TFDP2: variants seen among roughly 807,000 people sequenced by gnomAD.
TFDP2 encodes the protein transcription factor Dp-2.
TFDP2 carries 17 observed loss-of-function variants against 59.3 expected under a neutral mutation model. That is an observed-to-expected ratio of 0.29 (90% CI 0.20 to 0.43). The LOEUF (loss-of-function observed/expected upper bound fraction) is 0.43, where lower values mean the gene tolerates loss of function less well. Among genes scored for constraint, TFDP2 ranks in the 20% least tolerant of loss-of-function variants. The pLI is 1.00. For missense variants in TFDP2, 391 were observed against 528.8 expected (o/e 0.74, Z 2.56); for synonymous variants, 180 against 194.7 (o/e 0.92, Z 0.63).
chr3:141,980,195 CT>C (rs1941317462), intron 6 of TFDP2, among the ~76,000 whole-genome samples: 1 of 149,880 alleles, frequency 6.7e-6, no homozygotes, highest in Admixed American at 6.6e-5. Flanking sequence ...GTGAGCCACC[CT>C]GCCCAGCCAC....
At chr3:142,043,732 G>A in intron 3 of TFDP2, 1 of 1,343,908 alleles carries the variant, frequency 7.4e-7, no homozygotes, top group Non-Finnish European at 1.1e-6. Context: ...AGACCTGGGG[G>A]CCTCAGCCTG....
intron 1 of TFDP2, among the ~76,000 whole-genome samples, chr3:142,147,825 T>G (rs900553031): frequency 6.6e-6 from 1 of 152,150 alleles, no homozygotes; most frequent in East Asian, 1.9e-4. Context: ...GGTCTAGGCA[T>G]TTGATTTTTC....
At chr3:142,139,496 G>A (rs1398845176) in intron 1 of TFDP2, among the ~76,000 whole-genome samples, 3 of 152,052 alleles carry the variant, frequency 2.0e-5, no homozygotes, top group African/African-American at 7.2e-5. Flanking sequence ...TTTTTGCAGT[G>A]GCTGGTACCG....
At chr3:142,033,566 T>C (rs911629725) in intron 3 of TFDP2, among the ~76,000 whole-genome samples, 2 of 152,054 alleles carry the variant, frequency 1.3e-5, no homozygotes, top group South Asian at 4.1e-4. Flanking sequence ...GAGGGATCTA[T>C]AGGAGGGAAA....
At chr3:142,054,095 A>G (rs2059660186) in intron 3 of TFDP2, 1 of 152,350 alleles carries the variant, frequency 6.6e-6, no homozygotes, top group East Asian at 1.9e-4. Flanking sequence ...AATTGCTTAT[A>G]AAGTTAAATA....
intron 9 of TFDP2, among the ~76,000 whole-genome samples, chr3:141,969,788 T>C (rs11569254): frequency 1.3e-5 from 2 of 152,196 alleles, no homozygotes; most frequent in Non-Finnish European, 2.9e-5. Flanking sequence ...AAAAGACCCC[T>C]GACAGTTTAT....
Position 142,031,301 on chromosome 3 carries a change from T to A in TFDP2, c.83-25757A>T, listed in dbSNP as rs142778461. Among the ~76,000 whole-genome samples the A allele has an allele frequency of 2.8e-3, 426 of 152,314 alleles. 1 individual carries two copies. The highest frequency in any genetic ancestry group is 4.8e-3 in the Non-Finnish European group (327 of 68,034). On this transcript the variant is annotated intron_variant, in intron 3 of 12. Coordinates refer to ENST00000489671, the MANE Select transcript of TFDP2 (RefSeq NM_001178139.2). Reference sequence around the variant, plus strand: ...TCCTTCAATAAATACTGAGCACCTATTATGTATCAGGCACTGAGCTGGGCA... The same window carrying A: ...TCCTTCAATAAATACTGAGCACCTAATATGTATCAGGCACTGAGCTGGGCA...
intron 1 of TFDP2, among the ~76,000 whole-genome samples, chr3:142,136,635 A>G (rs2062749323): frequency 6.6e-6 from 1 of 152,108 alleles, no homozygotes; most frequent in Admixed American, 6.5e-5. Context: ...AGCTTTCTAC[A>G]TATGGCTAGT....
At chr3:142,014,325 T>C (rs1416615977) in intron 3 of TFDP2, among the ~76,000 whole-genome samples, 3 of 152,038 alleles carry the variant, frequency 2.0e-5, no homozygotes, top group Non-Finnish European at 4.4e-5. Context: ...TTTATTTTTA[T>C]TTTTTGTAGG....
At chr3:142,053,398 G>C (rs1306192864) in intron 3 of TFDP2, among the ~76,000 whole-genome samples, 2 of 152,066 alleles carry the variant, frequency 1.3e-5, no homozygotes, top group African/African-American at 4.8e-5. Flanking sequence ...CACGTGACTT[G>C]CTGACTCTCC....
At chr3:142,001,751 C>T (rs1380882377) in intron 4 of TFDP2, among the ~76,000 whole-genome samples, 6 of 152,222 alleles carry the variant, frequency 3.9e-5, no homozygotes, top group Non-Finnish European at 8.8e-5. Flanking sequence ...AAACACTTTG[C>T]TTAGAGATTT....
chr3:141,986,927 C>T (rs1942163869), intron 6 of TFDP2, among the ~76,000 whole-genome samples: 1 of 152,046 alleles, frequency 6.6e-6, no homozygotes, highest in Non-Finnish European at 1.5e-5. Flanking sequence ...TGTTTACTGG[C>T]CCGTTTGTAT....
intron 3 of TFDP2, among the ~76,000 whole-genome samples, chr3:142,053,250 TG>T (rs1421404817): frequency 6.6e-6 from 1 of 152,144 alleles, no homozygotes; most frequent in East Asian, 1.9e-4. Context: ...TGGGGCCTGA[TG>T]GGGGTGTTTG....
intron 1 of TFDP2, among the ~76,000 whole-genome samples, chr3:142,109,570 C>T (rs1011167366): frequency 1.3e-5 from 2 of 152,078 alleles, no homozygotes; most frequent in South Asian, 4.1e-4. Context: ...TCAGGTGATC[C>T]GCCCGCCTCG....
intron 6 of TFDP2, among the ~76,000 whole-genome samples, chr3:141,983,150 A>G (rs904200591): frequency 3.3e-5 from 5 of 152,204 alleles, no homozygotes; most frequent in Non-Finnish European, 7.3e-5. Context: ...AACTCAATTA[A>G]CATCAACATT....
chr3:142,129,009 A>G (rs1019454755), intron 1 of TFDP2, among the ~76,000 whole-genome samples: 5 of 152,156 alleles, frequency 3.3e-5, no homozygotes, highest in East Asian at 3.8e-4. Flanking sequence ...TCAAATGCTG[A>G]GCTCACAAAA....
chr3:142,056,331 A>G (rs1213146499), intron 3 of TFDP2, among the ~76,000 whole-genome samples: 1 of 147,878 alleles, frequency 6.8e-6, no homozygotes, highest in Non-Finnish European at 1.5e-5. Flanking sequence ...AAAAAAAGAC[A>G]GTTTATTCCC....
At chr3:141,988,657 A>ATCTTT (rs1477953264) in intron 6 of TFDP2, among the ~76,000 whole-genome samples, 1 of 145,498 alleles carries the variant, frequency 6.9e-6, no homozygotes, top group Non-Finnish European at 1.5e-5. Context: ...GTTTTTAGCA[A>ATCTTT]TCTTTTCTTT....
intron 1 of TFDP2, among the ~76,000 whole-genome samples, chr3:142,102,137 T>A (rs1054576310): frequency 7.2e-5 from 11 of 152,206 alleles, no homozygotes; most frequent in African/African-American, 2.7e-4. Context: ...CCAGGGCTTC[T>A]TGGAGAAATG....
Sources: gnomAD v4.1 joint callset for allele counts (sites outside exome capture counted in the v4.1 genomes callset) on GRCh38, gnomAD v4.1.1 for gene constraint, MANE v1.5 for transcripts, NCBI Gene and HGNC (gene_info 2026-07-23, HGNC 2026-07-21) for gene names.